Variants in GPC5 observed in about 807,000 individuals in gnomAD.
GPC5 encodes glypican-5.
In GPC5, 47 loss-of-function variants were observed where a neutral mutation model predicts 53.9. The ratio of observed to expected loss-of-function variants is 0.87; its 90% CI spans 0.69 to 1.11. The LOEUF is 1.11. GPC5 is among the 50% of genes most tolerant of loss of function. The probability of loss-of-function intolerance (pLI) is 0.00; values close to 1 mark genes in which losing one functional copy is unlikely to be tolerated. For synonymous variants in GPC5, 286 were observed against 263.3 expected, an observed-to-expected ratio of 1.09 and a Z score of -0.84; for missense variants, 748 against 713.1, an observed-to-expected ratio of 1.05 and a Z score of -0.56.
intron 6 of GPC5, among the ~76,000 whole-genome samples, chr13:92,016,842 T>C (rs2040712092): frequency 6.6e-6 from 1 of 151,690 alleles, no homozygotes; most frequent in South Asian, 2.1e-4. Context: ...GTTCTCCTCT[T>C]CAGCCGAGTC....
chr13:92,592,871 T>G (rs1041664574), intron 7 of GPC5, among the ~76,000 whole-genome samples: 1 of 150,986 alleles, frequency 6.6e-6, no homozygotes, highest in African/African-American at 2.4e-5. Flanking sequence ...GGATGGGCGA[T>G]GTGCATGCTT....
At chr13:91,422,062 A>G (rs989331069) in intron 1 of GPC5, among the ~76,000 whole-genome samples, 3 of 152,004 alleles carry the variant, frequency 2.0e-5, no homozygotes, top group African/African-American at 7.3e-5. Context: ...TACCACTGGG[A>G]CTCCTGAGTC....
intron 7 of GPC5, among the ~76,000 whole-genome samples, chr13:92,210,845 G>C (rs866014128): frequency 1.9e-4 from 29 of 152,304 alleles, no homozygotes; most frequent in South Asian, 1.0e-3. Context: ...AAACAGGTGT[G>C]TGTTGGCATG....
intron 1 of GPC5, among the ~76,000 whole-genome samples, chr13:91,442,457 C>T (rs1476640579): frequency 6.6e-6 from 1 of 152,162 alleles, no homozygotes; most frequent in Non-Finnish European, 1.5e-5. Flanking sequence ...TATAGTATTG[C>T]TAACTGTAAG....
chr13:92,199,637 G>T (rs929397092), intron 7 of GPC5, among the ~76,000 whole-genome samples: 2 of 151,832 alleles, frequency 1.3e-5, no homozygotes, highest in Non-Finnish European at 2.9e-5. Flanking sequence ...CTATTTTATA[G>T]GCAAATATTA....
intron 3 of GPC5, among the ~76,000 whole-genome samples, chr13:91,705,430 A>C (rs1187362192): frequency 6.6e-6 from 1 of 152,208 alleles, no homozygotes; most frequent in Non-Finnish European, 1.5e-5. Flanking sequence ...ATGTCAATAG[A>C]AAGCATGGTA....
Position 91,551,404 on chromosome 13 carries a change from T to A in GPC5, c.325+102482T>A, listed in dbSNP as rs564112782. 3.7e-4 allele frequency among the ~76,000 whole-genome samples: 56 copies of A among 152,230 alleles called. 1 individual carries two copies. In the South Asian group the frequency reaches 0.011, roughly 31 times the overall value. On this transcript the variant is annotated intron_variant, in intron 2 of 7. Coordinates refer to ENST00000377067, the MANE Select transcript of GPC5 (RefSeq NM_004466.6). ...AATCTCTGTTTACTGTTTTCCCAAG[T>A]AAGGTAAAGAAGACAGGGCAAAGTT... is the stretch of plus-strand genomic sequence containing the variant.
intron 7 of GPC5, among the ~76,000 whole-genome samples, chr13:92,508,760 T>C (rs1428972086): frequency 6.6e-6 from 1 of 152,196 alleles, no homozygotes; most frequent in Admixed American, 6.5e-5. Context: ...AGTCAAGTCA[T>C]AGAGGTAAAA....
chr13:91,977,979 G>GAAAT (rs765665185), intron 6 of GPC5, among the ~76,000 whole-genome samples: 4 of 135,796 alleles, frequency 2.9e-5, no homozygotes, highest in Non-Finnish European at 6.3e-5. Flanking sequence ...AAGAAAGAAA[G>GAAAT]AAAGAAAAGA....
chr13:91,600,510 C>A (rs891670025), intron 2 of GPC5, among the ~76,000 whole-genome samples: 1 of 151,376 alleles, frequency 6.6e-6, no homozygotes, highest in Admixed American at 6.6e-5. Context: ...TAAATATAAA[C>A]AATTTTTATT....
At chr13:91,987,904 A>G (rs1280491808) in intron 6 of GPC5, among the ~76,000 whole-genome samples, 1 of 145,568 alleles carries the variant, frequency 6.9e-6, no homozygotes, top group African/African-American at 2.5e-5. Flanking sequence ...CTTATATATA[A>G]TCATACGATG....
chr13:92,751,319 A>T (rs918648342), intron 7 of GPC5, among the ~76,000 whole-genome samples: 8 of 147,538 alleles, frequency 5.4e-5, no homozygotes, highest in Non-Finnish European at 9.0e-5. Flanking sequence ...AAAAAAAAAA[A>T]AAAAAAAAAA....
intron 7 of GPC5, among the ~76,000 whole-genome samples, chr13:92,359,740 A>C (rs1016973858): frequency 3.3e-5 from 5 of 151,580 alleles, no homozygotes; most frequent in African/African-American, 9.8e-5. Context: ...CAGAGGTGCC[A>C]CAACACTTTT....
chr13:91,446,562 T>C (rs1386087600), intron 1 of GPC5, among the ~76,000 whole-genome samples: 3 of 152,196 alleles, frequency 2.0e-5, no homozygotes, highest in Admixed American at 2.0e-4. Flanking sequence ...CCATGCATAA[T>C]AGTATCTGGG....
intron 7 of GPC5, among the ~76,000 whole-genome samples, chr13:92,204,673 T>C (rs2042320030): frequency 6.6e-6 from 1 of 152,188 alleles, no homozygotes; most frequent in African/African-American, 2.4e-5. Flanking sequence ...ATAGTTGTGA[T>C]TTATCATAAA....
chr13:91,926,471 T>C (rs2039769523), intron 6 of GPC5, among the ~76,000 whole-genome samples: 3 of 152,190 alleles, frequency 2.0e-5, no homozygotes. Flanking sequence ...TAGGCTAGGC[T>C]TGACTAGCAT....
chr13:91,718,950 A>G (rs1379488226), intron 3 of GPC5, among the ~76,000 whole-genome samples: 1 of 152,160 alleles, frequency 6.6e-6, no homozygotes, highest in African/African-American at 2.4e-5. Flanking sequence ...CCCTAACTAG[A>G]GTATAAACTC....
Position 92,754,740 on chromosome 13 carries a change from T to G in GPC5, c.1562-111542T>G, listed in dbSNP as rs909716363. 8.2e-3 allele frequency among the ~76,000 whole-genome samples: 1,241 copies of G among 151,610 alleles called. 17 individuals carry two copies. The highest frequency in any genetic ancestry group is 0.029 in the African/African-American group (1,188 of 41,252). On this transcript the variant is annotated intron_variant, in intron 7 of 7. Transcript: ENST00000377067. ...GATCAAAAGAGACAAAGAAGGCCAT[T>G]ACATAATGGTAAAGGAATCAATTCA...
intron 2 of GPC5, among the ~76,000 whole-genome samples, chr13:91,551,980 C>G (rs892404920): frequency 2.6e-5 from 4 of 151,634 alleles, no homozygotes; most frequent in African/African-American, 9.7e-5. Context: ...ATACATGAAG[C>G]CTAAAGGATC....
Sources: gnomAD v4.1 joint callset for allele counts (sites outside exome capture counted in the v4.1 genomes callset) on GRCh38, gnomAD v4.1.1 for gene constraint, MANE v1.5 for transcripts, NCBI Gene and HGNC (gene_info 2026-07-23, HGNC 2026-07-21) for gene names.